The following PAX1 variants were observed in gnomAD, a reference collection of about 807,000 sequenced individuals.
PAX1 encodes paired box protein Pax-1.
Under a neutral mutation model 35.6 loss-of-function variants are expected in PAX1, and 18 were observed. The ratio of observed to expected loss-of-function variants is 0.50; its 90% CI spans 0.35 to 0.75. PAX1 has a LOEUF of 0.75. PAX1 is among the 30% of genes least tolerant of loss of function. The probability of loss-of-function intolerance (pLI) is 0.01; values close to 1 mark genes in which losing one functional copy is unlikely to be tolerated. For missense variants in PAX1, 760 were observed against 661.5 expected, an observed-to-expected ratio of 1.15 and a Z score of -1.63; for synonymous variants, 397 against 305.2, an observed-to-expected ratio of 1.30 and a Z score of -3.14.
In PAX1 at chr20:21,708,479, T is replaced by A. The variant is rs116287563; in HGVS notation, c.917-79T>A. ...TGGGACCCCTGGCCGTGTCTTCAGA[T>A]ACAAATTGGGTGGTTGGCCACACGT... On this transcript the variant is annotated intron_variant, in intron 2 of 4. Transcript: ENST00000613128. 10 of 1,555,426 alleles carry A rather than the reference T, an allele frequency of 6.4e-6. No individual in the cohort carries two copies. The African/African-American group carries it at 1.4e-4, about 21-fold the overall frequency.
intron 2 of PAX1, chr20:21,708,318 C>G: frequency 4.8e-6 from 3 of 627,330 alleles, no homozygotes; most frequent in Non-Finnish European, 5.8e-6. Context: ...AGCAGCCTCC[C>G]GTTCGTGGGA....
rs1985130580 is a variant in PAX1, at chr20:21,709,452, G to C, written c.1282+8G>C. 1 of 1,514,752 alleles carries C rather than the reference G, an allele frequency of 6.6e-7. No homozygotes were observed. Among genetic ancestry groups the C allele is most frequent in the Non-Finnish European group, 8.8e-7 (1 of 1,135,942 alleles). The allele number at this position is 1,514,752 out of a possible 1,614,324, so 93.8% of individuals were successfully genotyped here. On this transcript the variant is annotated splice_region_variant and intron_variant, in intron 4 of 4. Transcript: ENST00000613128. ...AGCATCCCAGCCGAGAAGGTGAGGA[G>C]CGCAGGGAGTGGGGCGGGTGGATGC...
Position 21,714,731 on chromosome 20 carries a change from C to G in PAX1, c.*169C>G. The G allele has an allele frequency of 6.2e-7, 1 of 1,604,688 alleles. No individual in the cohort carries two copies. Among genetic ancestry groups the G allele is most frequent in the South Asian group, 1.1e-5 (1 of 91,084 alleles). On this transcript the variant is annotated 3_prime_UTR_variant, in exon 5 of 5. Transcript: ENST00000613128. ...GCCCAGCCAGCCCCCAGGCCCAGCC[C>G]TGCCTCTGGCCGGACCCACCACACT... is the stretch of plus-strand genomic sequence containing the variant.
chr20:21,706,997 C>A lies in PAX1; in HGVS notation c.846C>A (p.Ile282=), dbSNP rs1362260938. 1.2e-6 allele frequency: 2 copies of A among 1,613,030 alleles called. No homozygotes were observed. The highest frequency in any genetic ancestry group is 2.2e-5 in the South Asian group (2 of 91,084). Residue 282 remains isoleucine (I), a synonymous_variant, in exon 2 of 5, where the codon ATC becomes ATA. Coordinates refer to ENST00000613128, the MANE Select transcript of PAX1 (RefSeq NM_001257096.2). The surrounding 1 kb of genome is among the most constrained non-coding windows in gnomAD (Gnocchi z 5.3). ...GVPGTAGHVS[I]PRSWPSAHSV... ...CGGGCACGGCGGGCCACGTCAGCAT[C>A]CCGCGCTCATGGCCCTCGGCACACT...
chr20:21,708,819 G>A, intron 3 of PAX1, 119 bp downstream of exon 3: 1 of 1,027,090 alleles, frequency 9.7e-7, no homozygotes, highest in African/African-American at 1.6e-5. Context: ...GGTTGTATCT[G>A]GCAGCCGGCT....
Position 21,706,345 on chromosome 20 carries a change from T to C in PAX1, c.287-93T>C, listed in dbSNP as rs755914624. 1.4e-5 allele frequency: 21 copies of C among 1,523,950 alleles called. No homozygotes were observed. The highest frequency in any genetic ancestry group is 1.9e-5 in the Non-Finnish European group (21 of 1,110,884). 94.4% of individuals were successfully genotyped at this position (1,523,950 alleles called of 1,614,324 possible). ...CACAGGTCACCTTTGGAAGTGCGCC[T>C]GGGTGCAGTCCCTCGCTCCGCGTGG... On this transcript the variant is annotated intron_variant, in intron 1 of 4. Coordinates refer to ENST00000613128, the MANE Select transcript of PAX1 (RefSeq NM_001257096.2). The surrounding 1 kb of genome is among the most constrained non-coding windows in gnomAD (Gnocchi z 5.3).
chr20:21,708,780 G>A (rs993305978), intron 3 of PAX1, 80 bp downstream of exon 3: 4 of 1,465,944 alleles, frequency 2.7e-6, no homozygotes, highest in South Asian at 2.3e-5. Flanking sequence ...GAGAGAGAAA[G>A]AAAAGAAAAA....
rs764938220 is a variant in PAX1 at position 21,706,946 on chromosome 20, C to T, written c.795C>T (p.Ala265=). 10 of 1,612,506 alleles carry T rather than the reference C, an allele frequency of 6.2e-6. No homozygotes were observed. Among genetic ancestry groups the T allele is most frequent in the Non-Finnish European group, 8.5e-6 (10 of 1,179,556 alleles). ...PYPSPVSPTG[A]KMGSHPGVPG... ...CCAGTCCCGTGTCGCCCACGGGCGC[C>T]AAGATGGGCAGCCACCCCGGGGTCC... is the stretch of plus-strand genomic sequence containing the variant. The change falls in exon 2 of 5, where the codon GCC becomes GCT. Residue 265 remains alanine, a synonymous_variant. Transcript: ENST00000613128. The surrounding 1 kb of genome is among the most constrained non-coding windows in gnomAD (Gnocchi z 5.3).
In PAX1 at chr20:21,706,881, C is replaced by A; in HGVS notation, c.730C>A (p.Pro244Thr). 6.2e-7 allele frequency: 1 copy of A among 1,613,484 alleles called. No homozygotes were observed. The highest frequency in any genetic ancestry group is 8.5e-7 in the Non-Finnish European group (1 of 1,180,018). The part of the protein sequence containing the change: ...YEASKQPPSQ[P>T]TLPYNHIYQY... ...GGCAAGTAAGCAGCCGCCGTCGCAG[C>A]CTACGCTGCCCTACAACCACATCTA... is the stretch of plus-strand genomic sequence containing the variant. Residue 244 changes from proline (P) to threonine (T), a missense_variant, in exon 2 of 5, where the codon CCT becomes ACT. Transcript: ENST00000613128. This position sits in a 1 kb window ranked among gnomAD's most constrained non-coding sequence, Gnocchi z 5.3.
At position 21,717,038 on chromosome 20, in the gene PAX1, A is replaced by G. The variant is rs1985391115; in HGVS notation, c.*2476A>G. On this transcript the variant is annotated 3_prime_UTR_variant, in exon 5 of 5. Coordinates refer to ENST00000613128, the MANE Select transcript of PAX1 (RefSeq NM_001257096.2). ...GCTGATCAGGGTTATGGGGGAGAAG[A>G]GCTGGGAAATGCGCCCCAGGGTGGA... The G allele has an allele frequency of 6.6e-6, 1 of 152,170 alleles. No individual in the cohort carries two copies. The highest frequency in any genetic ancestry group is 2.1e-4 in the South Asian group (1 of 4,830). The allele number at this position is 152,170 out of a possible 1,614,324, so 9.4% of individuals were successfully genotyped here. A position where few individuals can be genotyped will look rare whatever the true frequency, so the allele number is the denominator to read the frequency against.
In PAX1 at chr20:21,705,803, A is replaced by C; in HGVS notation, c.91A>C (p.Ser31Arg). 2 of 1,279,936 alleles carry C rather than the reference A, an allele frequency of 1.6e-6. No individual in the cohort carries two copies. The highest frequency in any genetic ancestry group is 2.0e-6 in the Non-Finnish European group (2 of 1,016,302). 79.3% of individuals were successfully genotyped at this position (1,279,936 alleles called of 1,614,324 possible). ...GGCGGCAGGCCCTGGAGCGGGCGGCAGCGCGCTCCGCTGCCGCGCACAGCG... is the reference window on the plus strand; with the variant it reads ...GGCGGCAGGCCCTGGAGCGGGCGGCCGCGCGCTCCGCTGCCGCGCACAGCG... ...AAAAGPGAGG[S>R]ALRCRAQRVS... The change falls in exon 1 of 5, where the codon AGC becomes CGC. Residue 31 changes from serine (S) to arginine (R), a missense_variant. By Grantham distance (110) the Ser-to-Arg change is moderately radical (BLOSUM62 -1). Coordinates refer to ENST00000613128, the MANE Select transcript of PAX1 (RefSeq NM_001257096.2).
chr20:21,716,606 T>A lies in PAX1; in HGVS notation c.*2044T>A, dbSNP rs1985380672. The stretch of plus-strand genomic sequence containing the variant: ...TTAGACCACATAGCAAGGTATGAAT[T>A]AGAGGGCTTGTGCTTGGAAACTGGG... On this transcript the variant is annotated 3_prime_UTR_variant, in exon 5 of 5. Transcript: ENST00000613128. 6.6e-6 allele frequency: 1 copy of A among 151,862 alleles called. No individual in the cohort carries two copies. The highest frequency in any genetic ancestry group is 1.5e-5 in the Non-Finnish European group (1 of 67,984). The allele number at this position is 151,862 out of a possible 1,614,324, so 9.4% of individuals were successfully genotyped here. A position where few individuals can be genotyped will look rare whatever the true frequency, so the allele number is the denominator to read the frequency against.
chr20:21,709,272 C>T lies in PAX1; in HGVS notation c.1110C>T (p.Tyr370=). 1 of 1,605,998 alleles carries T rather than the reference C, an allele frequency of 6.2e-7. No individual in the cohort carries two copies. The highest frequency in any genetic ancestry group is 1.1e-5 in the South Asian group (1 of 91,068). The change falls in exon 4 of 5, where the codon TAC becomes TAT. Residue 370 remains tyrosine (Y), a synonymous_variant. Transcript: ENST00000613128. ...AVGGFLPACA[Y]PASNQHGVYS... ...GCGGCTTTCTCCCCGCCTGCGCCTA[C>T]CCGGCCTCCAACCAGCACGGCGTGT...
At chr20:21,710,024 A>C (rs927732391) in intron 4 of PAX1, among the ~76,000 whole-genome samples, 1 of 130,778 alleles carries the variant, frequency 7.6e-6, no homozygotes, top group African/African-American at 2.8e-5. Flanking sequence ...AGTAGAGGCC[A>C]TGTGAATCAG....
At position 21,707,051 on chromosome 20, in the gene PAX1, G is replaced by A. The variant is rs770844055; in HGVS notation, c.900G>A (p.Thr300=). ...HSVSNILGIR[T]FMEQTGALAG... ...TCAGCAACATCCTGGGCATCCGGAC[G>A]TTTATGGAGCAAACAGGTCAGTTGT... Residue 300 remains threonine (T), a synonymous_variant, in exon 2 of 5, where the codon ACG becomes ACA. Transcript: ENST00000613128. The A allele has an allele frequency of 6.2e-6, 10 of 1,613,084 alleles. No individual in the cohort carries two copies. Among genetic ancestry groups the A allele is most frequent in the South Asian group, 1.1e-5 (1 of 91,092 alleles).
intron 4 of PAX1, among the ~76,000 whole-genome samples, chr20:21,712,278 A>T (rs1003672037): frequency 1.3e-5 from 2 of 152,140 alleles, no homozygotes; most frequent in African/African-American, 4.8e-5. Flanking sequence ...CTTATTTTTT[A>T]AAAAGGTAGT....
intron 4 of PAX1, among the ~76,000 whole-genome samples, chr20:21,710,732 C>T (rs1313879777): frequency 6.6e-6 from 1 of 152,146 alleles, no homozygotes; most frequent in Non-Finnish European, 1.5e-5. Context: ...AGATGCCATC[C>T]ACAACAGTGA....
rs867079240 is a variant in PAX1, at chr20:21,714,702, G to A, written c.*140G>A. The A allele has an allele frequency of 6.2e-7, 1 of 1,605,978 alleles. No individual in the cohort carries two copies. The highest frequency in any genetic ancestry group is 8.5e-7 in the Non-Finnish European group (1 of 1,179,612). ...GGAAGCCAGTGCCGGCCCGCGGGGT[G>A]CACGCCCAGCCAGCCCCCAGGCCCA... On this transcript the variant is annotated 3_prime_UTR_variant, in exon 5 of 5. Transcript: ENST00000613128.
In PAX1 at chr20:21,706,423, CTGGCGCATCCGCAGAGCAGACGTA is replaced by C. The variant is rs1354131812; in HGVS notation, c.287-9_301del. On this transcript the variant is annotated splice_acceptor_variant and splice_polypyrimidine_tract_variant and coding_sequence_variant and intron_variant, in exon 2 of 5. Coordinates refer to ENST00000613128, the MANE Select transcript of PAX1 (RefSeq NM_001257096.2). LOFTEE classifies it high-confidence loss of function. This position sits in a 1 kb window ranked among gnomAD's most constrained non-coding sequence, Gnocchi z 5.3. ...TTCTCCCCCTCCGGCTCACTCTTGT[CTGGCGCATCCGCAGAGCAGACGTA>C]TGGCGAGGTGAACCAGCTGGGCGGT... is the stretch of plus-strand genomic sequence containing the variant. 1.2e-6 allele frequency: 2 copies of C among 1,611,044 alleles called. No individual in the cohort carries two copies. The highest frequency in any genetic ancestry group is 1.7e-6 in the Non-Finnish European group (2 of 1,179,826).
Sources: allele counts gnomAD v4.1 joint callset (sites outside exome capture counted in the v4.1 genomes callset), GRCh38; gene constraint gnomAD v4.1.1; non-coding constraint Gnocchi (gnomAD v3.1); transcripts MANE v1.5; gene names NCBI Gene and HGNC (gene_info 2026-07-23, HGNC 2026-07-21).